Variants in DPP6 observed in about 807,000 individuals in gnomAD.
The protein encoded by DPP6 is dipeptidyl peptidase like 6.
DPP6 carries 69 observed loss-of-function variants against 122.6 expected under a neutral mutation model. That is an observed-to-expected ratio of 0.56 (90% CI 0.46 to 0.69). The LOEUF is 0.69. Ranked by LOEUF, DPP6 falls within the 30% of genes least tolerant of loss-of-function variation. DPP6 has a pLI of 0.00. For missense variants in DPP6, 928 were observed against 1,116.9 expected, an observed-to-expected ratio of 0.83 and a Z score of 2.41; for synonymous variants, 418 against 433.1, an observed-to-expected ratio of 0.97 and a Z score of 0.43.
intron 2 of DPP6, among the ~76,000 whole-genome samples, chr7:154,467,845 G>A: frequency 6.6e-6 from 1 of 152,302 alleles, no homozygotes; most frequent in South Asian, 2.1e-4. Flanking sequence ...GCCTTCTGCT[G>A]AGAGAGGTTT....
chr7:154,705,207 A>G lies in DPP6; in HGVS notation c.763-22560A>G, dbSNP rs77283730. Among the ~76,000 whole-genome samples, 103 of 152,306 alleles carry G rather than the reference A, an allele frequency of 6.8e-4. 1 individual carries two copies. Among genetic ancestry groups the G allele is most frequent in the African/African-American group, 2.5e-3 (102 of 41,568 alleles). On this transcript the variant is annotated intron_variant, in intron 7 of 25. Coordinates refer to ENST00000377770, the MANE Select transcript of DPP6 (RefSeq NM_130797.4). ...TATTTGTCAGGATTTTTTAGTGATAAAAGACAAAATGTCAAGTTAAACTAG... is the reference window on the plus strand; with the variant it reads ...TATTTGTCAGGATTTTTTAGTGATAGAAGACAAAATGTCAAGTTAAACTAG...
intron 5 of DPP6, among the ~76,000 whole-genome samples, chr7:154,608,231 G>C (rs2130794322): frequency 6.7e-6 from 1 of 150,076 alleles, no homozygotes; most frequent in East Asian, 2.0e-4. Flanking sequence ...CGCCCCCTCG[G>C]CCTCCCAAAG....
chr7:154,459,258 A>G (rs1020338286), intron 2 of DPP6, among the ~76,000 whole-genome samples: 1 of 152,196 alleles, frequency 6.6e-6, no homozygotes, highest in Non-Finnish European at 1.5e-5. Flanking sequence ...TACGTGTCAC[A>G]GGTATTTTGG....
intron 1 of DPP6, among the ~76,000 whole-genome samples, chr7:154,019,049 A>G (rs1211222246): frequency 1.3e-5 from 2 of 152,226 alleles, no homozygotes; most frequent in Non-Finnish European, 2.9e-5. Flanking sequence ...CAAATGAATA[A>G]TTTAAACCTC....
chr7:154,710,460 A>G (rs914854160), intron 7 of DPP6, among the ~76,000 whole-genome samples: 1 of 152,226 alleles, frequency 6.6e-6, no homozygotes, highest in Non-Finnish European at 1.5e-5. Flanking sequence ...TGTTTCTTCA[A>G]TCTTTCAGAC....
At chr7:154,703,026 AGTGAT>A (rs1294432603) in intron 7 of DPP6, among the ~76,000 whole-genome samples, 1 of 152,204 alleles carries the variant, frequency 6.6e-6, no homozygotes, top group Non-Finnish European at 1.5e-5. Context: ...GGCCCTTAAG[AGTGAT>A]GTTAAGTCTA....
chr7:154,138,734 G>T (rs949350993), intron 1 of DPP6, among the ~76,000 whole-genome samples: 1 of 151,630 alleles, frequency 6.6e-6, no homozygotes, highest in Non-Finnish European at 1.5e-5. Context: ...GCCCAACAGT[G>T]AGCTTGAGCA....
At chr7:153,816,628 C>A in the DPP6 span, among the ~76,000 whole-genome samples, 2 of 152,082 alleles carry the variant, frequency 1.3e-5, no homozygotes, top group Admixed American at 6.5e-5. Flanking sequence ...CACTGAAAAG[C>A]AAAGGAGGAA....
the DPP6 span, among the ~76,000 whole-genome samples, chr7:153,852,048 T>G: frequency 6.6e-6 from 1 of 152,194 alleles, no homozygotes; most frequent in Admixed American, 6.5e-5. Context: ...GTTCTTTGAT[T>G]GTGTGTTATT....
chr7:154,878,432 C>G (rs958272728), intron 20 of DPP6, among the ~76,000 whole-genome samples: 1 of 152,232 alleles, frequency 6.6e-6, no homozygotes, highest in Non-Finnish European at 1.5e-5. Context: ...GAGCCGTTGC[C>G]AAAGCACAGA....
At chr7:154,444,974 T>C (rs1340063844) in intron 1 of DPP6, among the ~76,000 whole-genome samples, 1 of 152,242 alleles carries the variant, frequency 6.6e-6, no homozygotes, top group Non-Finnish European at 1.5e-5. Context: ...TCTAAACCAC[T>C]GTAGAACTCT....
intron 5 of DPP6, among the ~76,000 whole-genome samples, chr7:154,597,923 C>A (rs954741003): frequency 2.0e-5 from 3 of 152,116 alleles, no homozygotes; most frequent in Admixed American, 6.5e-5. Flanking sequence ...CCACATTTTC[C>A]CTGTTTACAC....
chr7:153,904,425 T>C (rs550814951), intron 1 of DPP6, among the ~76,000 whole-genome samples: 30 of 152,284 alleles, frequency 2.0e-4, no homozygotes, highest in African/African-American at 6.3e-4. Context: ...CTCAGCACCC[T>C]CATCAGTGTG....
intron 1 of DPP6, among the ~76,000 whole-genome samples, chr7:154,248,722 C>G (rs1043879577): frequency 1.3e-5 from 2 of 151,950 alleles, no homozygotes; most frequent in African/African-American, 4.8e-5. Flanking sequence ...AAAAGCTAGC[C>G]GGATGTGGTG....
chr7:154,117,528 G>A (rs1280253444), intron 1 of DPP6, among the ~76,000 whole-genome samples: 2 of 152,122 alleles, frequency 1.3e-5, no homozygotes, highest in African/African-American at 2.4e-5. Flanking sequence ...CTGACAATGC[G>A]ATGCAGATTT....
At chr7:153,877,767 T>C in the DPP6 span, among the ~76,000 whole-genome samples, 2 of 152,134 alleles carry the variant, frequency 1.3e-5, no homozygotes, top group Non-Finnish European at 2.9e-5. Flanking sequence ...CCAGGGAAGA[T>C]TGAATTTTTA....
At chr7:154,700,818 G>A (rs1331848714) in intron 7 of DPP6, among the ~76,000 whole-genome samples, 2 of 151,918 alleles carry the variant, frequency 1.3e-5, no homozygotes, top group African/African-American at 2.4e-5. Context: ...ACCTAGCGAA[G>A]AAAATGTGCA....
At chr7:154,279,739 C>T (rs1026530468) in intron 1 of DPP6, among the ~76,000 whole-genome samples, 8 of 152,162 alleles carry the variant, frequency 5.3e-5, no homozygotes, top group East Asian at 3.9e-4. Flanking sequence ...GGATTGAATG[C>T]GTTGCCTTTT....
rs1805793619 is a variant in DPP6, at chr7:154,883,993, T to TACATATGCTCACCCAC, written c.2134-1637_2134-1636insTATGCTCACCCACACA. ...ACGATTACATACACATGCTCACACA[T>TACATATGCTCACCCAC]ACACATGCTCACCCACACACACGCT... On this transcript the variant is annotated intron_variant, in intron 21 of 25. Coordinates refer to ENST00000377770, the MANE Select transcript of DPP6 (RefSeq NM_130797.4). 1.7e-5 allele frequency: 2 copies of TACATATGCTCACCCAC among 114,770 alleles called. 1 individual carries two copies. The highest frequency in any genetic ancestry group is 7.1e-5 in the African/African-American group (2 of 28,178). 7.1% of individuals were successfully genotyped at this position (114,770 alleles called of 1,614,324 possible).
Sources: gnomAD v4.1 joint callset for allele counts (sites outside exome capture counted in the v4.1 genomes callset) on GRCh38, gnomAD v4.1.1 for gene constraint, MANE v1.5 for transcripts, NCBI Gene and HGNC (gene_info 2026-07-23, HGNC 2026-07-21) for gene names.